CCDC187: variants seen among roughly 807,000 people sequenced by gnomAD.
The protein encoded by CCDC187 is coiled-coil domain containing 187.
Under a neutral mutation model 38.0 loss-of-function variants are expected in CCDC187, and 32 were observed. That is an observed-to-expected ratio of 0.84 (90% CI 0.64 to 1.13). The LOEUF is 1.13. Among genes scored for constraint, CCDC187 ranks in the 50% most tolerant of loss-of-function variants. The pLI is 0.00. For synonymous variants in CCDC187, 333 were observed against 347.9 expected (o/e 0.96, Z 0.48); for missense variants, 707 against 786.8 (o/e 0.90, Z 1.21).
chr9:136,300,333 AAAG>A lies in CCDC187; in HGVS notation c.626-18_626-16del, dbSNP rs1345742303. 2.5e-5 allele frequency: 10 copies of A among 398,502 alleles called. No homozygotes were observed. Among genetic ancestry groups the A allele is most frequent in the African/African-American group, 8.2e-5 (4 of 48,632 alleles). 24.7% of individuals were successfully genotyped at this position (398,502 alleles called of 1,614,324 possible). On this transcript the variant is annotated splice_polypyrimidine_tract_variant and intron_variant, in intron 2 of 25. Transcript: ENST00000638797. ...GATGCTGAAACCTGGAACAGGGTGA[AAAG>A]AAGAAGGCAGCGTGAGAAGAGAGAT...
At chr9:136,289,938 C>T (rs988604758) in intron 7 of CCDC187, 21 bp downstream of exon 7, 5,402 of 388,186 alleles carry the variant, frequency 0.014, 69 homozygotes, top group Non-Finnish European at 0.015. Flanking sequence ...GCATGTGCAG[C>T]ACCCACACTT....
intron 2 of CCDC187, 117 bp from the exon 3 acceptor site, chr9:136,300,435 A>G (rs1831649753): frequency 7.8e-6 from 3 of 385,800 alleles, no homozygotes; most frequent in Non-Finnish European, 1.4e-5. Context: ...TTTACTTGAG[A>G]CAGGGTCTCA....
At position 136,285,614 on chromosome 9, in the gene CCDC187, A is replaced by C. The variant is rs930276629; in HGVS notation, c.2834-8T>G. ...GTCCCTCCTCTGGAAAACCTTGGAG[A>C]AGAGGGCACCTGGCTTCACTCCCTG... is the stretch of plus-strand genomic sequence containing the variant. On this transcript the variant is annotated splice_polypyrimidine_tract_variant and splice_region_variant and intron_variant, in intron 8 of 25. Transcript: ENST00000638797. The C allele has an allele frequency of 7.5e-6, 3 of 400,202 alleles. No homozygotes were observed. The Admixed American group carries it at 1.3e-4, about 18-fold the overall frequency. 24.8% of individuals were successfully genotyped at this position (400,202 alleles called of 1,614,324 possible).
intron 14 of CCDC187, among the ~76,000 whole-genome samples, chr9:136,273,153 C>T (rs1303508710): frequency 6.6e-6 from 1 of 152,172 alleles, no homozygotes; most frequent in Non-Finnish European, 1.5e-5. Context: ...CCAGGTGAGA[C>T]TCAAACCTAA....
At chr9:136,267,618 C>G (rs1281880663) in intron 15 of CCDC187, 107 bp from the exon 16 acceptor site, 1 of 985,352 alleles carries the variant, frequency 1.0e-6, no homozygotes, top group African/African-American at 1.7e-5. Flanking sequence ...TTCTAGACCG[C>G]TCCCAGCACA....
At chr9:136,287,713 A>G (rs960559737) in intron 7 of CCDC187, among the ~76,000 whole-genome samples, 1 of 152,238 alleles carries the variant, frequency 6.6e-6, no homozygotes, top group Non-Finnish European at 1.5e-5. Flanking sequence ...AGTAACAAAA[A>G]GGACAAGCAT....
At chr9:136,268,765 G>A (rs1443459753) in intron 14 of CCDC187, among the ~76,000 whole-genome samples, 1 of 152,182 alleles carries the variant, frequency 6.6e-6, no homozygotes, top group East Asian at 1.9e-4. Context: ...ACACACATAT[G>A]AAATAACAGT....
intron 14 of CCDC187, among the ~76,000 whole-genome samples, chr9:136,272,564 G>T (rs1181450229): frequency 6.6e-6 from 1 of 152,124 alleles, no homozygotes; most frequent in African/African-American, 2.4e-5. Context: ...TTAGCTGGGC[G>T]TGGTGGTGCA....
At chr9:136,292,905 G>A (rs1302461377) in intron 4 of CCDC187, among the ~76,000 whole-genome samples, 10 of 152,314 alleles carry the variant, frequency 6.6e-5, no homozygotes, top group African/African-American at 1.7e-4. Context: ...CCCACGTCCC[G>A]AGTACAAACG....
At chr9:136,259,480 GCAAC>G (rs1431729822) in intron 20 of CCDC187, 32 bp from the exon 21 acceptor site, 1 of 970,440 alleles carries the variant, frequency 1.0e-6, no homozygotes, top group African/African-American at 1.8e-5. Context: ...GTCACCAGCA[GCAAC>G]CACAGACTGA....
At chr9:136,293,880 A>G (rs984309134) in intron 4 of CCDC187, among the ~76,000 whole-genome samples, 17 of 151,402 alleles carry the variant, frequency 1.1e-4, no homozygotes, top group Non-Finnish European at 2.5e-4. Context: ...TCTCTGACTC[A>G]CACGCTCACA....
At chr9:136,298,434 G>A (rs1483446079) in intron 3 of CCDC187, among the ~76,000 whole-genome samples, 3 of 152,178 alleles carry the variant, frequency 2.0e-5, no homozygotes, top group Non-Finnish European at 4.4e-5. Flanking sequence ...AGCGGCCACC[G>A]AGAGGGCCCG....
chr9:136,253,795 G>C lies in CCDC187; in HGVS notation c.6033C>G (p.Pro2011=). ...DLPSSIHREA[P]LPPPPPTPQA... ...GGGGAGTGGGAGGAGGTGGGGGTAGGGGGGCCTCCCTGTGGATGGAGGACG... is the reference window on the plus strand; with the variant it reads ...GGGGAGTGGGAGGAGGTGGGGGTAGCGGGGCCTCCCTGTGGATGGAGGACG... The change falls in exon 26 of 26, where the codon CCC becomes CCG. Residue 2011 remains proline, a synonymous_variant. Transcript: ENST00000638797. 1.0e-6 allele frequency: 1 copy of C among 985,536 alleles called. No individual in the cohort carries two copies. Among genetic ancestry groups the C allele is most frequent in the Non-Finnish European group, 1.2e-6 (1 of 829,954 alleles). 61.0% of individuals were successfully genotyped at this position (985,536 alleles called of 1,614,324 possible).
chr9:136,263,949 G>C (rs1436660465), intron 17 of CCDC187, 151 bp from the exon 18 acceptor site: 12 of 435,590 alleles, frequency 2.8e-5, no homozygotes, highest in African/African-American at 2.1e-5. Flanking sequence ...CGCCCCTCCT[G>C]CCGGGCCTAG....
In CCDC187 at chr9:136,292,743, G is replaced by A. The variant is rs992188451; in HGVS notation, c.833-448C>T. On this transcript the variant is annotated intron_variant, in intron 4 of 25. Coordinates refer to ENST00000638797, the MANE Select transcript of CCDC187 (RefSeq NM_001378188.1). ...CTGCACATCGGGCTCCGCGCAGCAC[G>A]GGAGGTCCTGTCACCGCTGGCCACG... Among the ~76,000 whole-genome samples the A allele has an allele frequency of 3.6e-3, 552 of 152,286 alleles. 2 individuals carry two copies. Among genetic ancestry groups the A allele is most frequent in the African/African-American group, 9.3e-3 (388 of 41,554 alleles).
chr9:136,288,837 C>T (rs979601725), intron 7 of CCDC187, among the ~76,000 whole-genome samples: 3 of 152,218 alleles, frequency 2.0e-5, no homozygotes, highest in Non-Finnish European at 2.9e-5. Flanking sequence ...ACCCTCACGC[C>T]GGCCGGGGGA....
rs915695047 is a variant in CCDC187, at chr9:136,253,709, G to A, written c.6119C>T (p.Ser2040Leu). 17 of 985,450 alleles carry A rather than the reference G, an allele frequency of 1.7e-5. No individual in the cohort carries two copies. The African/African-American group carries it at 2.1e-4, about 12-fold the overall frequency. 61.0% of individuals were successfully genotyped at this position (985,450 alleles called of 1,614,324 possible). The change falls in exon 26 of 26, where the codon TCG (serine) becomes TTG (leucine). Residue 2040 changes from serine to leucine, a missense_variant. Physicochemically the swap from Ser to Leu is moderately radical, Grantham distance 145. Transcript: ENST00000638797. Reference protein sequence around the residue: ...PCSDAFPSPPSGPLEEDTAIT... With the variant: ...PCSDAFPSPPLGPLEEDTAIT... The stretch of plus-strand genomic sequence containing the variant: ...GGCGGTGTCCTCCTCAAGGGGCCCC[G>A]AGGGCGGGGAAGGGAAGGCATCCGA...
At chr9:136,294,971 T>C (rs888882716) in intron 4 of CCDC187, among the ~76,000 whole-genome samples, 22 of 152,346 alleles carry the variant, frequency 1.4e-4, no homozygotes, top group African/African-American at 5.3e-4. Flanking sequence ...GTTTCACTTA[T>C]CCATGCCTCA....
intron 19 of CCDC187, 50 bp downstream of exon 19, chr9:136,262,261 C>T: frequency 1.0e-6 from 1 of 985,790 alleles, no homozygotes. Flanking sequence ...CTCAGGGGAA[C>T]ATCAGGGTCC....
Sources: allele counts gnomAD v4.1 joint callset (sites outside exome capture counted in the v4.1 genomes callset), GRCh38; gene constraint gnomAD v4.1.1; transcripts MANE v1.5; gene names NCBI Gene and HGNC (gene_info 2026-07-23, HGNC 2026-07-21).